ZNF362: variants seen among roughly 807,000 people sequenced by gnomAD.
ZNF362 encodes the protein rotund homolog.
Under a neutral mutation model 42.9 loss-of-function variants are expected in ZNF362, and 11 were observed. That is an observed-to-expected ratio of 0.26 (90% confidence interval 0.16 to 0.42). The LOEUF (loss-of-function observed/expected upper bound fraction) is 0.42, where lower values mean the gene tolerates loss of function less well. Among genes scored for constraint, ZNF362 ranks in the 20% least tolerant of loss-of-function variants. The probability of loss-of-function intolerance (pLI) is 1.00; values close to 1 mark genes in which losing one functional copy is unlikely to be tolerated. For synonymous variants in ZNF362, 255 were observed against 257.3 expected (o/e 0.99, Z 0.09); for missense variants, 362 against 576.2 (o/e 0.63, Z 3.81).
chr1:33,191,219 T>C, the ZNF362 span, among the ~76,000 whole-genome samples: 2 of 152,202 alleles, frequency 1.3e-5, no homozygotes, highest in Admixed American at 1.3e-4. Context: ...CTACATTAGA[T>C]CTCTATTTAA....
the ZNF362 span, among the ~76,000 whole-genome samples, chr1:33,231,485 A>C: frequency 2.0e-5 from 3 of 152,140 alleles, no homozygotes; most frequent in Non-Finnish European, 2.9e-5. Flanking sequence ...TAAGTGACTG[A>C]CCCTGGGCTC....
At chr1:33,171,590 G>T in the ZNF362 span, among the ~76,000 whole-genome samples, 1 of 152,146 alleles carries the variant, frequency 6.6e-6, no homozygotes, top group Non-Finnish European at 1.5e-5. Flanking sequence ...CGCTCCAGGG[G>T]TGGGCCTATA....
At chr1:33,210,016 G>A in the ZNF362 span, among the ~76,000 whole-genome samples, 1 of 152,264 alleles carries the variant, frequency 6.6e-6, no homozygotes, top group Admixed American at 6.5e-5. Flanking sequence ...TAATTGTGAT[G>A]TTAGGGTGTC....
chr1:33,207,340 C>T, the ZNF362 span, among the ~76,000 whole-genome samples: 1 of 152,074 alleles, frequency 6.6e-6, no homozygotes, highest in Admixed American at 6.6e-5. Context: ...TTTCTTAATC[C>T]AATCTATCAT....
chr1:33,159,311 A>G, the ZNF362 span, among the ~76,000 whole-genome samples: 4 of 152,100 alleles, frequency 2.6e-5, no homozygotes, highest in African/African-American at 9.7e-5. This position sits in a 1 kb window ranked among gnomAD's most constrained non-coding sequence, Gnocchi z 4.2. Context: ...TGTAAACACT[A>G]TTAAATGCTA....
At chr1:33,257,425 T>G (rs1489952772) in intron 1 of ZNF362, among the ~76,000 whole-genome samples, 1 of 149,816 alleles carries the variant, frequency 6.7e-6, no homozygotes, top group African/African-American at 2.5e-5. Flanking sequence ...TTTCTTTCTT[T>G]CTTTTTTTTT....
At chr1:33,208,873 G>A in the ZNF362 span, among the ~76,000 whole-genome samples, 5 of 152,218 alleles carry the variant, frequency 3.3e-5, no homozygotes, top group South Asian at 2.1e-4. Context: ...TGGAAACAGA[G>A]ACAATTTGAT....
the ZNF362 span, among the ~76,000 whole-genome samples, chr1:33,223,401 C>T: frequency 2.0e-5 from 3 of 152,240 alleles, no homozygotes; most frequent in Admixed American, 2.0e-4. Context: ...CAATAAACCT[C>T]TTTCTTTTGT....
chr1:33,151,110 G>A, the ZNF362 span, among the ~76,000 whole-genome samples: 1 of 152,060 alleles, frequency 6.6e-6, no homozygotes, highest in Admixed American at 6.5e-5. Context: ...ACTGATGAGT[G>A]GGAGGGCACC....
chr1:33,226,465 A>C, the ZNF362 span, among the ~76,000 whole-genome samples: 1 of 152,228 alleles, frequency 6.6e-6, no homozygotes. Context: ...TAAGCTGATG[A>C]ATGGATAAAC....
Position 33,280,340 on chromosome 1 carries a change from A to G in ZNF362, c.566A>G (p.Lys189Arg), listed in dbSNP as rs760357804. Residue 189 changes from lysine (K) to arginine (R), a missense_variant, in exon 5 of 9, where the codon AAG (lysine) becomes AGG (arginine). By Grantham distance (26) the Lys-to-Arg change is conservative. Transcript: ENST00000539719. This position sits in a 1 kb window ranked among gnomAD's most constrained non-coding sequence, Gnocchi z 5.6. ...GGCCACGGCCTGCTTGGCCCCCCCA[A>G]GTCCGAACGCGGCCGCAAAAAGATC... Reference protein sequence around the residue: ...IQGHGLLGPPKSERGRKKIKA... With the variant: ...IQGHGLLGPPRSERGRKKIKA... 2 of 1,613,744 alleles carry G rather than the reference A, an allele frequency of 1.2e-6. No homozygotes were observed. Among genetic ancestry groups the G allele is most frequent in the South Asian group, 1.1e-5 (1 of 91,080 alleles).
At chr1:33,215,910 G>A in the ZNF362 span, among the ~76,000 whole-genome samples, 132 of 151,678 alleles carry the variant, frequency 8.7e-4, no homozygotes, top group Non-Finnish European at 1.4e-3. Flanking sequence ...ATGGTTTGAA[G>A]CAATGTTTCT....
At chr1:33,139,470 A>C in the ZNF362 span, among the ~76,000 whole-genome samples, 1 of 152,184 alleles carries the variant, frequency 6.6e-6, no homozygotes, top group Admixed American at 6.5e-5. Flanking sequence ...GGGTCAGTGA[A>C]TCTCCTGGAC....
chr1:33,264,830 T>C (rs1485815979), intron 1 of ZNF362, among the ~76,000 whole-genome samples: 2 of 152,060 alleles, frequency 1.3e-5, no homozygotes, highest in Non-Finnish European at 2.9e-5. Context: ...GTGATGACCA[T>C]AGAAGCTTGG....
chr1:33,153,282 CCAGG>C, the ZNF362 span, among the ~76,000 whole-genome samples: 1 of 152,208 alleles, frequency 6.6e-6, no homozygotes, highest in South Asian at 2.1e-4. Flanking sequence ...GCCCAGCCAA[CCAGG>C]CTGCTGCTCT....
At chr1:33,189,664 T>TACGTATATATATATAC in the ZNF362 span, among the ~76,000 whole-genome samples, 1 of 19,860 alleles carries the variant, frequency 5.0e-5, no homozygotes, top group East Asian at 1.6e-3. Context: ...TATATATATA[T>TACGTATATATATATAC]ATATATATGT....
At chr1:33,287,460 T>G (rs1262060079) in intron 6 of ZNF362, among the ~76,000 whole-genome samples, 2 of 152,228 alleles carry the variant, frequency 1.3e-5, no homozygotes, top group African/African-American at 4.8e-5. Flanking sequence ...CACTGCAGCC[T>G]GGGTGACAGA....
At chr1:33,248,856 C>T in the ZNF362 span, among the ~76,000 whole-genome samples, 9 of 152,176 alleles carry the variant, frequency 5.9e-5, no homozygotes, top group Admixed American at 3.9e-4. Flanking sequence ...CCACCAGTGC[C>T]GGCCACTGCT....
Position 33,280,168 on chromosome 1 carries a change from TCAAGCG to T in ZNF362, c.396_401del (p.Ser133_Ala134del), listed in dbSNP as rs775799780. ...GACCCCGTCTGTGAGCACTTCTGAGTCAAGCGCGGGCGCGGGCACGGGCACGGGTAC... is the reference window on the plus strand; with the variant it reads ...GACCCCGTCTGTGAGCACTTCTGAGTCGGGCGCGGGCACGGGCACGGGTAC... On this transcript the variant is annotated inframe_deletion, in exon 5 of 9. Coordinates refer to ENST00000539719, the MANE Select transcript of ZNF362 (RefSeq NM_152493.3). The surrounding 1 kb of genome is among the most constrained non-coding windows in gnomAD (Gnocchi z 5.6). 1 of 1,608,820 alleles carries T rather than the reference TCAAGCG, an allele frequency of 6.2e-7. No homozygotes were observed. Among genetic ancestry groups the T allele is most frequent in the Middle Eastern group, 1.7e-4 (1 of 6,028 alleles).
Sources: allele counts gnomAD v4.1 joint callset (sites outside exome capture counted in the v4.1 genomes callset), GRCh38; gene constraint gnomAD v4.1.1; non-coding constraint Gnocchi (gnomAD v3.1); transcripts MANE v1.5; gene names NCBI Gene and HGNC (gene_info 2026-07-23, HGNC 2026-07-21).